EPS8L1: variants seen among roughly 807,000 people sequenced by gnomAD.
EPS8L1 encodes the protein EPS8 signaling adaptor L1.
A neutral mutation model predicts 91.7 loss-of-function variants in EPS8L1; 101 were observed. That is an observed-to-expected ratio of 1.10 (90% confidence interval 0.94 to 1.30). The LOEUF (loss-of-function observed/expected upper bound fraction) is 1.30, where lower values mean the gene tolerates loss of function less well. Ranked by LOEUF, EPS8L1 falls within the 50% of genes most tolerant of loss-of-function variation. The probability of loss-of-function intolerance (pLI) is 0.00; values close to 1 mark genes in which losing one functional copy is unlikely to be tolerated. For synonymous variants in EPS8L1, 506 were observed against 445.3 expected, an observed-to-expected ratio of 1.14 and a Z score of -1.72; for missense variants, 1,114 against 1,017.0, an observed-to-expected ratio of 1.10 and a Z score of -1.30.
At chr19:55,076,601 G>A in intron 2 of EPS8L1, 140 bp downstream of exon 2, 1 of 1,051,994 alleles carries the variant, frequency 9.5e-7, no homozygotes, top group Non-Finnish European at 1.4e-6. Flanking sequence ...TCAGGAGGAA[G>A]CCAGAGCCTC....
rs146563100 is a variant in EPS8L1, at chr19:55,079,037, G to T, written c.97G>T (p.Val33Leu). 1.2e-6 allele frequency: 2 copies of T among 1,613,960 alleles called. No individual in the cohort carries two copies. The highest frequency in any genetic ancestry group is 2.7e-5 in the African/African-American group (2 of 74,896). ...KRYSTVVMAD[V>L]SQYPVNHLVT... The stretch of plus-strand genomic sequence containing the variant: ...TTACTCCACAGTTGTTATGGCTGAT[G>T]TATCCCAGTACCCAGTCAATGTGAG... Residue 33 changes from valine to leucine, a missense_variant, in exon 4 of 20, where the codon GTA becomes TTA. Physicochemically the swap from Val to Leu is conservative, Grantham distance 32. Coordinates refer to ENST00000201647, the MANE Select transcript of EPS8L1 (RefSeq NM_133180.3).
In EPS8L1 at chr19:55,086,897, G is replaced by A. The variant is rs1018554174; in HGVS notation, c.1952+9G>A. On this transcript the variant is annotated intron_variant, in intron 18 of 19. Coordinates refer to ENST00000201647, the MANE Select transcript of EPS8L1 (RefSeq NM_133180.3). The stretch of plus-strand genomic sequence containing the variant: ...AAGGGCTTTAGCTCCGGGTGAGTGG[G>A]GCCGGGGCCCTCTCGGCGCGGGTTG... 15 of 1,420,570 alleles carry A rather than the reference G, an allele frequency of 1.1e-5. No homozygotes were observed. Among genetic ancestry groups the A allele is most frequent in the Non-Finnish European group, 1.4e-5 (15 of 1,092,144 alleles). The allele number at this position is 1,420,570 out of a possible 1,614,324, so 88.0% of individuals were successfully genotyped here.
At chr19:55,080,928 C>A (rs1314457109) in intron 7 of EPS8L1, 74 bp downstream of exon 7, 3 of 1,360,690 alleles carry the variant, frequency 2.2e-6, no homozygotes, top group Non-Finnish European at 3.0e-6. Context: ...ACAACACCAG[C>A]CTGGAACAGA....
At chr19:55,087,061 GT>G in intron 18 of EPS8L1, 173 bp downstream of exon 18, 1 of 1,069,144 alleles carries the variant, frequency 9.4e-7, no homozygotes, top group Non-Finnish European at 1.3e-6. Flanking sequence ...TGATTGCCAT[GT>G]TTTTTCAGAC....
chr19:55,087,585 G>A lies in EPS8L1; in HGVS notation c.2143G>A (p.Glu715Lys), dbSNP rs2076367050. The part of the protein sequence containing the change: ...AVMEKQKKKV[E>K]GEVEMEVI ...GATGGAGAAGCAAAAGAAGAAGGTG[G>A]AAGGCGAGGTGGAAATGGAGGTCAT... The change falls in exon 20 of 20, where the codon GAA (glutamate) becomes AAA (lysine). Residue 715 changes from glutamate (E) to lysine (K), a missense_variant. Transcript: ENST00000201647. The A allele has an allele frequency of 1.2e-6, 2 of 1,614,188 alleles. No individual in the cohort carries two copies. Among genetic ancestry groups the A allele is most frequent in the Non-Finnish European group, 1.7e-6 (2 of 1,180,026 alleles).
In EPS8L1 at chr19:55,080,284, C is replaced by CA. The variant is rs1462994288; in HGVS notation, c.429+7dup. 2 of 1,534,152 alleles carry CA rather than the reference C, an allele frequency of 1.3e-6. No individual in the cohort carries two copies. Among genetic ancestry groups the CA allele is most frequent in the East Asian group, 2.5e-5 (1 of 40,702 alleles). ...TCCAGGGCCTGCGCCTCGGGGTGAG[C>CA]AGATGGGCTGGCTCTGGGGGTGGAG... On this transcript the variant is annotated splice_region_variant and intron_variant, in intron 6 of 19. Coordinates refer to ENST00000201647, the MANE Select transcript of EPS8L1 (RefSeq NM_133180.3).
rs748431954 is a variant in EPS8L1 at position 55,083,435 on chromosome 19, G to A, written c.1272G>A (p.Trp424Ter). 12 of 1,612,252 alleles carry A rather than the reference G, an allele frequency of 7.4e-6. No homozygotes were observed. In the South Asian group the frequency reaches 1.2e-4, roughly 16 times the overall value. Residue 424 changes from tryptophan (W) to a stop codon, truncating the protein, a stop_gained, in exon 13 of 20, where the codon TGG becomes TGA. Coordinates refer to ENST00000201647, the MANE Select transcript of EPS8L1 (RefSeq NM_133180.3). LOFTEE classifies it high-confidence loss of function. The surrounding 1 kb of genome is among the most constrained non-coding windows in gnomAD (Gnocchi z 4.7). ...PPYRPEFFSG[W>*]EPPVTDPQSR... The stretch of plus-strand genomic sequence containing the variant: ...ACAGACCCGAGTTCTTCAGCGGCTG[G>A]GAGCCGCCGGTCACTGACCCGCAGA...
At position 55,081,429 on chromosome 19, in the gene EPS8L1, G is replaced by A. The variant is rs750739370; in HGVS notation, c.711G>A (p.Ser237=). The change falls in exon 8 of 20, where the codon TCG becomes TCA. Residue 237 remains serine, a synonymous_variant. Coordinates refer to ENST00000201647, the MANE Select transcript of EPS8L1 (RefSeq NM_133180.3). This position sits in a 1 kb window ranked among gnomAD's most constrained non-coding sequence, Gnocchi z 4.9. ...TGGGGACCTCGAGCAACGCTGACTC[G>A]GCCTCCCCGGACCTGGGTCCCCGGG... ...EPVGTSSNAD[S]ASPDLGPRGP... 8 of 1,601,218 alleles carry A rather than the reference G, an allele frequency of 5.0e-6. No individual in the cohort carries two copies. Among genetic ancestry groups the A allele is most frequent in the Admixed American group, 1.7e-5 (1 of 58,652 alleles).
chr19:55,076,078 A>G (rs12460728), intron 1 of EPS8L1, among the ~76,000 whole-genome samples, 159 bp downstream of exon 1: 5,660 of 32,764 alleles, frequency 0.17, 273 homozygotes, highest in African/African-American at 0.21. Flanking sequence ...CTGGACTCCT[A>G]GGTCTGAGGG....
intron 2 of EPS8L1, among the ~76,000 whole-genome samples, chr19:55,077,065 GA>G (rs2076146796): frequency 6.6e-6 from 1 of 152,200 alleles, no homozygotes; most frequent in South Asian, 2.1e-4. Context: ...AGGAGTTTGG[GA>G]AAAAGGGTTT....
chr19:55,082,991 G>A (rs1009779761), intron 12 of EPS8L1, among the ~76,000 whole-genome samples: 3 of 152,302 alleles, frequency 2.0e-5, no homozygotes, highest in Middle Eastern at 3.4e-3. Flanking sequence ...GAAAGGGTCA[G>A]AACCTGAAAC....
chr19:55,079,857 G>C lies in EPS8L1; in HGVS notation c.279+6G>C, dbSNP rs376374139. Reference sequence around the variant, plus strand: ...TGCTCGACCCGGCCTCCAAGGTGCCGGGGGGCACGTGGGTGGGAGGAGTGT... The same window carrying C: ...TGCTCGACCCGGCCTCCAAGGTGCCCGGGGGCACGTGGGTGGGAGGAGTGT... On this transcript the variant is annotated splice_donor_region_variant and intron_variant, in intron 5 of 19. Transcript: ENST00000201647. 3.7e-6 allele frequency: 6 copies of C among 1,603,496 alleles called. No individual in the cohort carries two copies. The African/African-American group carries it at 6.7e-5, about 18-fold the overall frequency.
chr19:55,076,203 G>T (rs2076128470), intron 1 of EPS8L1, among the ~76,000 whole-genome samples: 1 of 126,702 alleles, frequency 7.9e-6, no homozygotes, highest in African/African-American at 2.7e-5. Context: ...TGAGGGAGGA[G>T]GGGACTGGGG....
Position 55,087,680 on chromosome 19 carries a change from C to A in EPS8L1, c.*66C>A. On this transcript the variant is annotated 3_prime_UTR_variant, in exon 20 of 20. Coordinates refer to ENST00000201647, the MANE Select transcript of EPS8L1 (RefSeq NM_133180.3). ...GGAGAACGGACTCCTCAGACTCTCCCCAATAGCGGAAGTCGATCTTCTGAA... is the reference window on the plus strand; with the variant it reads ...GGAGAACGGACTCCTCAGACTCTCCACAATAGCGGAAGTCGATCTTCTGAA... 1 of 1,528,524 alleles carries A rather than the reference C, an allele frequency of 6.5e-7. No individual in the cohort carries two copies. Among genetic ancestry groups the A allele is most frequent in the Non-Finnish European group, 9.0e-7 (1 of 1,110,836 alleles). 94.7% of individuals were successfully genotyped at this position (1,528,524 alleles called of 1,614,324 possible). A position where few individuals can be genotyped will look rare whatever the true frequency, so the allele number is the denominator to read the frequency against.
At chr19:55,085,778 C>T (rs1447749191) in intron 14 of EPS8L1, 63 bp from the exon 15 acceptor site, 13 of 1,563,634 alleles carry the variant, frequency 8.3e-6, no homozygotes, top group Non-Finnish European at 1.1e-5. Flanking sequence ...ACACCAGCAC[C>T]CTGCAGCCCA....
chr19:55,085,137 C>T (rs1459435520), intron 14 of EPS8L1, among the ~76,000 whole-genome samples: 1 of 152,220 alleles, frequency 6.6e-6, no homozygotes, highest in Non-Finnish European at 1.5e-5. Context: ...CGTAACAGAA[C>T]AGTGCCCAGC....
chr19:55,081,639 T>G lies in EPS8L1; in HGVS notation c.775-134T>G. ...GAGGGGCTGGGTCGGGGGCGGGGCT[T>G]GGTTGTGGGGCGTGGCCAGGTGTTT... is the stretch of plus-strand genomic sequence containing the variant. On this transcript the variant is annotated intron_variant, in intron 8 of 19. Transcript: ENST00000201647. The surrounding 1 kb of genome is among the most constrained non-coding windows in gnomAD (Gnocchi z 4.9). 75 of 1,094,760 alleles carry G rather than the reference T, an allele frequency of 6.9e-5. No individual in the cohort carries two copies. The highest frequency in any genetic ancestry group is 8.2e-5 in the African/African-American group (5 of 61,018). The allele number at this position is 1,094,760 out of a possible 1,614,324, so 67.8% of individuals were successfully genotyped here. A position where few individuals can be genotyped will look rare whatever the true frequency, so the allele number is the denominator to read the frequency against.
Position 55,087,347 on chromosome 19 carries a change from C to A in EPS8L1, c.1997C>A (p.Ser666Ter). ...GTGCTGACCGGGGCGCAGCTTTTCT[C>A]GCTGCAGAAGGAGGAGCTGCGGGCG... ...LGVLTGAQLF[S>*]LQKEELRAVS... Residue 666 changes from serine to a stop codon, truncating the protein, a stop_gained, in exon 19 of 20, where the codon TCG (serine) becomes TAG (stop). Coordinates refer to ENST00000201647, the MANE Select transcript of EPS8L1 (RefSeq NM_133180.3). LOFTEE classifies it high-confidence loss of function. 6.2e-7 allele frequency: 1 copy of A among 1,612,560 alleles called. No homozygotes were observed. Among genetic ancestry groups the A allele is most frequent in the Non-Finnish European group, 8.5e-7 (1 of 1,179,626 alleles).
Position 55,081,711 on chromosome 19 carries a change from G to T in EPS8L1, c.775-62G>T. ...AAGTGTATAGGTGCTCAGGTTCAGG[G>T]CTTCGACGGGGATGGTTTTGGAACT... On this transcript the variant is annotated intron_variant, in intron 8 of 19. Transcript: ENST00000201647. The surrounding 1 kb of genome is among the most constrained non-coding windows in gnomAD (Gnocchi z 4.9). 9 of 1,553,976 alleles carry T rather than the reference G, an allele frequency of 5.8e-6. No homozygotes were observed. Among genetic ancestry groups the T allele is most frequent in the Non-Finnish European group, 7.8e-6 (9 of 1,148,136 alleles).
Sources: gnomAD v4.1 joint callset for allele counts (sites outside exome capture counted in the v4.1 genomes callset) on GRCh38, gnomAD v4.1.1 for gene constraint, Gnocchi (gnomAD v3.1) non-coding constraint, MANE v1.5 for transcripts, NCBI Gene and HGNC (gene_info 2026-07-23, HGNC 2026-07-21) for gene names.